The following NTN1 variants were observed in gnomAD, a reference collection of about 807,000 sequenced individuals.
NTN1 encodes netrin 1.
In NTN1, 11 loss-of-function variants were observed where a neutral mutation model predicts 54.2. That is an observed-to-expected ratio of 0.20 (90% confidence interval 0.13 to 0.34). NTN1 has a LOEUF of 0.34. Ranked by LOEUF, NTN1 falls within the 10% of genes least tolerant of loss-of-function variation. The pLI is 1.00. For synonymous variants in NTN1, 371 were observed against 382.0 expected (o/e 0.97, Z 0.33); for missense variants, 740 against 893.1 (o/e 0.83, Z 2.18).
In NTN1 at chr17:9,108,215, A is replaced by G. The variant is rs146121179; in HGVS notation, c.1019-54598A>G. Among the ~76,000 whole-genome samples, 476 of 152,320 alleles carry G rather than the reference A, an allele frequency of 3.1e-3. 5 individuals carry two copies. The highest frequency in any genetic ancestry group is 0.011 in the African/African-American group (444 of 41,578). Reference sequence around the variant, plus strand: ...AAGACTCTGGGCTGAGCTTTCAGGAACAAACTCCCCAACCTGCTCCCCAGA... The same window carrying G: ...AAGACTCTGGGCTGAGCTTTCAGGAGCAAACTCCCCAACCTGCTCCCCAGA... On this transcript the variant is annotated intron_variant, in intron 2 of 6. Coordinates refer to ENST00000173229, the MANE Select transcript of NTN1 (RefSeq NM_004822.3).
intron 6 of NTN1, among the ~76,000 whole-genome samples, chr17:9,223,259 A>C (rs903255110): frequency 6.6e-6 from 1 of 152,140 alleles, no homozygotes; most frequent in Non-Finnish European, 1.5e-5. Context: ...GTTGTTTTGA[A>C]AGGAGCTCAG....
At chr17:9,166,326 C>G (rs2142302683) in intron 3 of NTN1, among the ~76,000 whole-genome samples, 1 of 150,480 alleles carries the variant, frequency 6.6e-6, no homozygotes, top group South Asian at 2.1e-4. Context: ...TGTGGTGCTG[C>G]CCCCAGGCTC....
intron 2 of NTN1, among the ~76,000 whole-genome samples, chr17:9,061,726 C>T (rs8082137): frequency 0.046 from 6,986 of 151,742 alleles, 544 homozygotes; most frequent in African/African-American, 0.16. Flanking sequence ...TTTTTTGAGA[C>T]GGATTCTCGC....
chr17:9,106,572 G>T (rs1159056903), intron 2 of NTN1, among the ~76,000 whole-genome samples: 2 of 150,410 alleles, frequency 1.3e-5, no homozygotes, highest in Non-Finnish European at 2.9e-5. Flanking sequence ...GGAATGCAGT[G>T]GTGCACGCTC....
At chr17:9,136,381 C>G (rs2092281459) in intron 2 of NTN1, among the ~76,000 whole-genome samples, 3 of 152,188 alleles carry the variant, frequency 2.0e-5, no homozygotes, top group Admixed American at 6.5e-5. Context: ...CTAGACCAGC[C>G]TGGCCAACAT....
chr17:9,130,724 C>A (rs1036573387), intron 2 of NTN1, among the ~76,000 whole-genome samples: 1 of 152,158 alleles, frequency 6.6e-6, no homozygotes, highest in African/African-American at 2.4e-5. Flanking sequence ...CAGGTCTGAA[C>A]CCCTCCAGTG....
intron 2 of NTN1, among the ~76,000 whole-genome samples, chr17:9,106,519 TCC>T (rs2092167421): frequency 1.2e-5 from 1 of 80,122 alleles, no homozygotes; most frequent in Non-Finnish European, 2.6e-5. Context: ...CTTCCTTCCT[TCC>T]TTCCTTCCTT....
At chr17:9,110,309 G>A (rs142202065) in intron 2 of NTN1, among the ~76,000 whole-genome samples, 11,157 of 149,576 alleles carry the variant, frequency 0.075, 573 homozygotes, top group Middle Eastern at 0.15. Flanking sequence ...TCACTCTGTC[G>A]TCTAGGCTGG....
chr17:9,068,501 T>A (rs956928633), intron 2 of NTN1, among the ~76,000 whole-genome samples: 2 of 149,882 alleles, frequency 1.3e-5, no homozygotes, highest in African/African-American at 4.9e-5. Flanking sequence ...TGTGTGTGTG[T>A]GTATGTGTGA....
chr17:9,088,590 G>A (rs11652166), intron 2 of NTN1, among the ~76,000 whole-genome samples: 18 of 152,124 alleles, frequency 1.2e-4, no homozygotes, highest in Non-Finnish European at 2.1e-4. Flanking sequence ...ACCCGCTCCT[G>A]GGTGGGTTGT....
At chr17:9,210,051 A>G (rs1185021329) in intron 5 of NTN1, among the ~76,000 whole-genome samples, 1 of 152,056 alleles carries the variant, frequency 6.6e-6, no homozygotes, top group Non-Finnish European at 1.5e-5. Context: ...CATGACATTT[A>G]AAAAAGAAGT....
rs757903979 is a variant in NTN1, at chr17:9,239,952, A to C, written c.1799A>C (p.Lys600Thr). 1.8e-6 allele frequency: 2 copies of C among 1,109,700 alleles called. No individual in the cohort carries two copies. The highest frequency in any genetic ancestry group is 5.0e-5 in the Admixed American group (2 of 40,066). 68.7% of individuals were successfully genotyped at this position (1,109,700 alleles called of 1,614,324 possible). Residue 600 changes from lysine (K) to threonine (T), a missense_variant, in exon 7 of 7, where the codon AAG (lysine) becomes ACG (threonine). Transcript: ENST00000173229. The surrounding 1 kb of genome is among the most constrained non-coding windows in gnomAD (Gnocchi z 5.2). ...RKFQQREKKG[K>T]CKKA Reference sequence around the variant, plus strand: ...TTCCAGCAGCGTGAGAAGAAGGGCAAGTGCAAGAAGGCCTAGCGCCGAGGC... The same window carrying C: ...TTCCAGCAGCGTGAGAAGAAGGGCACGTGCAAGAAGGCCTAGCGCCGAGGC...
At position 9,243,513 on chromosome 17, in the gene NTN1, C is replaced by T. The variant is rs952062172; in HGVS notation, c.*3545C>T. On this transcript the variant is annotated 3_prime_UTR_variant, in exon 7 of 7. Coordinates refer to ENST00000173229, the MANE Select transcript of NTN1 (RefSeq NM_004822.3). ...AAGTCCCCTTGAAGCCCAGAGTGGA[C>T]AGACTAGACCCATTGATGGGGCCAC... The T allele has an allele frequency of 6.6e-6, 1 of 152,208 alleles. No homozygotes were observed. The highest frequency in any genetic ancestry group is 1.5e-5 in the Non-Finnish European group (1 of 68,040). The allele number at this position is 152,208 out of a possible 1,614,324, so 9.4% of individuals were successfully genotyped here.
At chr17:9,133,478 T>C (rs1265132949) in intron 2 of NTN1, among the ~76,000 whole-genome samples, 2 of 152,214 alleles carry the variant, frequency 1.3e-5, no homozygotes, top group African/African-American at 4.8e-5. Context: ...TGTCTACACC[T>C]GTAACGACCA....
At chr17:9,183,702 T>C (rs2092425705) in intron 5 of NTN1, 3 of 185,082 alleles carry the variant, frequency 1.6e-5, no homozygotes, top group Non-Finnish European at 1.1e-5. Flanking sequence ...TTTAAAGATA[T>C]TTGGGCAGCA....
At chr17:9,074,162 C>G (rs537240041) in intron 2 of NTN1, among the ~76,000 whole-genome samples, 1 of 152,172 alleles carries the variant, frequency 6.6e-6, no homozygotes, top group Admixed American at 6.5e-5. Context: ...GCAGTGGTGC[C>G]GGCTCTCGCG....
intron 6 of NTN1, among the ~76,000 whole-genome samples, chr17:9,222,093 C>T (rs1905377849): frequency 6.6e-6 from 1 of 152,218 alleles, no homozygotes; most frequent in African/African-American, 2.4e-5. Context: ...CGGGAAGGAG[C>T]CCCAGGCCCA....
At chr17:9,183,523 A>T (rs2092425236) in intron 5 of NTN1, 4 of 358,982 alleles carry the variant, frequency 1.1e-5, no homozygotes, top group Admixed American at 8.5e-5. Flanking sequence ...GGCGGAAGTC[A>T]CAGCGGTTTA....
Position 9,201,909 on chromosome 17 carries a change from C to T in NTN1, c.1411+18940C>T, listed in dbSNP as rs577051623. On this transcript the variant is annotated intron_variant, in intron 5 of 6. Coordinates refer to ENST00000173229, the MANE Select transcript of NTN1 (RefSeq NM_004822.3). The stretch of plus-strand genomic sequence containing the variant: ...ATGGTTAAGAAATAAAAGACCGGGC[C>T]GGGCGTGGTGGCTCACGCTTGTAAT... Among the ~76,000 whole-genome samples, 28 of 151,168 alleles carry T rather than the reference C, an allele frequency of 1.9e-4. No individual in the cohort carries two copies. The South Asian group carries it at 1.9e-3, about 10-fold the overall frequency.
Sources: allele counts gnomAD v4.1 joint callset (sites outside exome capture counted in the v4.1 genomes callset), GRCh38; gene constraint gnomAD v4.1.1; non-coding constraint Gnocchi (gnomAD v3.1); transcripts MANE v1.5; gene names NCBI Gene and HGNC (gene_info 2026-07-23, HGNC 2026-07-21).